Variants in SATB2 observed in about 807,000 individuals in gnomAD.
SATB2 encodes SATB homeobox 2.
A neutral mutation model predicts 73.4 loss-of-function variants in SATB2; 1 was observed. The observed-to-expected ratio is 0.01, with a 90% CI of 0.00 to 0.06. The LOEUF is 0.06. SATB2 is among the 10% of genes least tolerant of loss of function. The probability of loss-of-function intolerance (pLI) is 1.00; values close to 1 mark genes in which losing one functional copy is unlikely to be tolerated. For missense variants in SATB2, 459 were observed against 945.8 expected (o/e 0.49, Z 6.75); for synonymous variants, 397 against 367.0 (o/e 1.08, Z -0.93).
At chr2:199,361,332 AC>A (rs1199475907) in intron 6 of SATB2, among the ~76,000 whole-genome samples, 2 of 150,556 alleles carry the variant, frequency 1.3e-5, no homozygotes, top group Non-Finnish European at 3.0e-5. Context: ...ACCCCTACTT[AC>A]TCTCACCAAG....
chr2:199,324,361 T>G (rs550938552), intron 8 of SATB2, among the ~76,000 whole-genome samples: 2 of 152,318 alleles, frequency 1.3e-5, no homozygotes, highest in Non-Finnish European at 2.9e-5. Context: ...GGTAGAGGTC[T>G]CTAAATAATA....
intron 9 of SATB2, among the ~76,000 whole-genome samples, chr2:199,322,651 C>T (rs1288241575): frequency 6.6e-6 from 1 of 152,142 alleles, no homozygotes; most frequent in Non-Finnish European, 1.5e-5. Flanking sequence ...CTCCTTTTAT[C>T]AACATCTAAA....
At chr2:199,316,785 A>G (rs1242731813) in intron 9 of SATB2, among the ~76,000 whole-genome samples, 1 of 152,092 alleles carries the variant, frequency 6.6e-6, no homozygotes, top group Non-Finnish European at 1.5e-5. Context: ...AAATACGTAC[A>G]AACACACATA....
chr2:199,380,519 A>T (rs1689737699), intron 4 of SATB2, 32 bp from the exon 5 acceptor site: 1 of 1,608,270 alleles, frequency 6.2e-7, no homozygotes, highest in African/African-American at 1.3e-5. Flanking sequence ...AACAATACAC[A>T]AACCTCAACC....
chr2:199,470,340 G>T (rs1268665391), intron 1 of SATB2: 1 of 152,250 alleles, frequency 6.6e-6, no homozygotes, highest in Non-Finnish European at 1.5e-5. Context: ...ACTCCCTGGA[G>T]CTTGGTCTCG....
intron 3 of SATB2, among the ~76,000 whole-genome samples, chr2:199,425,557 CAA>C (rs1230889801): frequency 6.6e-6 from 1 of 152,122 alleles, no homozygotes; most frequent in African/African-American, 2.4e-5. Context: ...TTCTTGCCCT[CAA>C]CAGCTTTTAC....
chr2:199,343,448 T>A (rs1688563744), intron 7 of SATB2, among the ~76,000 whole-genome samples: 1 of 152,144 alleles, frequency 6.6e-6, no homozygotes, highest in Admixed American at 6.6e-5. Flanking sequence ...CTCAAAAAAG[T>A]CTAAACGTTT....
chr2:199,302,044 A>G (rs1687302575), intron 10 of SATB2, among the ~76,000 whole-genome samples: 1 of 152,170 alleles, frequency 6.6e-6, no homozygotes. Flanking sequence ...TCCAATTATT[A>G]AGCTGGAATT....
chr2:199,362,314 C>T (rs185208331), intron 6 of SATB2, among the ~76,000 whole-genome samples: 1 of 152,170 alleles, frequency 6.6e-6, no homozygotes, highest in Non-Finnish European at 1.5e-5. Context: ...AGTAACTCCA[C>T]TTGTCCTTAA....
chr2:199,272,700 C>T lies in SATB2; in HGVS notation c.1741-28G>A. The T allele has an allele frequency of 6.3e-7, 1 of 1,589,520 alleles. No homozygotes were observed. The highest frequency in any genetic ancestry group is 8.6e-7 in the Non-Finnish European group (1 of 1,157,720). ...GATAATTAAGAGAGAAAAAAATGAA[C>T]ACTGGACTCATGATTTTACCTTTCC... is the stretch of plus-strand genomic sequence containing the variant. On this transcript the variant is annotated intron_variant, in intron 10 of 10. Coordinates refer to ENST00000417098, the MANE Select transcript of SATB2 (RefSeq NM_001172509.2). The surrounding 1 kb of genome is among the most constrained non-coding windows in gnomAD (Gnocchi z 6.7).
chr2:199,293,507 T>C (rs562520729), intron 10 of SATB2, among the ~76,000 whole-genome samples: 2 of 152,280 alleles, frequency 1.3e-5, no homozygotes, highest in Non-Finnish European at 2.9e-5. Flanking sequence ...ACAAACCTAT[T>C]ATTAATAATA....
At chr2:199,462,075 T>G (rs2105966502), upstream of SATB2, among the ~76,000 whole-genome samples, 1 of 152,276 alleles carries the variant, frequency 6.6e-6, no homozygotes, top group Admixed American at 6.5e-5. This position sits in a 1 kb window ranked among gnomAD's most constrained non-coding sequence, Gnocchi z 5.9. Context: ...GTCCATGGCT[T>G]TCAAGTTCGG....
intron 5 of SATB2, among the ~76,000 whole-genome samples, chr2:199,376,634 T>C (rs1400445646): frequency 1.3e-5 from 2 of 152,124 alleles, no homozygotes; most frequent in African/African-American, 4.8e-5. Context: ...AAATATATAT[T>C]ATGCTGAATG....
upstream of SATB2, among the ~76,000 whole-genome samples, chr2:199,466,698 C>T (rs1227783221): frequency 2.0e-5 from 3 of 152,228 alleles, no homozygotes; most frequent in African/African-American, 7.2e-5. Flanking sequence ...CACTGAGCTG[C>T]TCTGGGAACT....
intron 6 of SATB2, among the ~76,000 whole-genome samples, chr2:199,364,177 T>C (rs958753738): frequency 2.6e-5 from 4 of 152,234 alleles, no homozygotes; most frequent in African/African-American, 9.6e-5. Context: ...AGAGGTGCTT[T>C]AAATGTGGTA....
intron 5 of SATB2, among the ~76,000 whole-genome samples, chr2:199,377,002 C>T (rs1481813209): frequency 6.6e-6 from 1 of 152,186 alleles, no homozygotes; most frequent in Non-Finnish European, 1.5e-5. Context: ...AGGTACATCT[C>T]CCTAAAGAAC....
chr2:199,272,756 T>A lies in SATB2; in HGVS notation c.1741-84A>T, dbSNP rs1019900041. 1 of 1,252,592 alleles carries A rather than the reference T, an allele frequency of 8.0e-7. No individual in the cohort carries two copies. Among genetic ancestry groups the A allele is most frequent in the Non-Finnish European group, 1.2e-6 (1 of 852,814 alleles). The allele number at this position is 1,252,592 out of a possible 1,614,324, so 77.6% of individuals were successfully genotyped here. On this transcript the variant is annotated intron_variant, in intron 10 of 10. Transcript: ENST00000417098. The surrounding 1 kb of genome is among the most constrained non-coding windows in gnomAD (Gnocchi z 6.7). ...CATCAGCCCTCTGAAATATGTGTTA[T>A]CTATCTAGCACTGGAGGTAAGCTAT...
chr2:199,347,769 G>C (rs546917860), intron 7 of SATB2: 3 of 152,058 alleles, frequency 2.0e-5, no homozygotes, highest in South Asian at 4.2e-4. Context: ...TAATTATCTG[G>C]TTACCTGGTT....
At chr2:199,277,789 T>C (rs1692361773) in intron 10 of SATB2, among the ~76,000 whole-genome samples, 1 of 152,224 alleles carries the variant, frequency 6.6e-6, no homozygotes, top group Non-Finnish European at 1.5e-5. Flanking sequence ...ATATATTTTA[T>C]GTTATTAATT....
Sources: allele counts gnomAD v4.1 joint callset (sites outside exome capture counted in the v4.1 genomes callset), GRCh38; gene constraint gnomAD v4.1.1; non-coding constraint Gnocchi (gnomAD v3.1); transcripts MANE v1.5; gene names NCBI Gene and HGNC (gene_info 2026-07-23, HGNC 2026-07-21).